ABCG1: variants seen among roughly 807,000 people sequenced by gnomAD.
ABCG1 encodes the protein ATP binding cassette subfamily G member 1, also known as ATP-binding cassette sub-family G member 1.
Under a neutral mutation model 69.2 loss-of-function variants are expected in ABCG1, and 29 were observed. The ratio of observed to expected loss-of-function variants is 0.42; its 90% CI spans 0.31 to 0.57. The LOEUF (loss-of-function observed/expected upper bound fraction) is 0.57. Among genes scored for constraint, ABCG1 ranks in the 20% least tolerant of loss-of-function variants. The pLI is 0.15. For synonymous variants in ABCG1, 370 were observed against 374.8 expected, an observed-to-expected ratio of 0.99 and a Z score of 0.15; for missense variants, 718 against 898.1, an observed-to-expected ratio of 0.80 and a Z score of 2.56.
chr21:42,292,165 G>T (rs1175661972), intron 13 of ABCG1, among the ~76,000 whole-genome samples: 1 of 152,138 alleles, frequency 6.6e-6, no homozygotes, highest in Non-Finnish European at 1.5e-5. Flanking sequence ...TACCTCTGTG[G>T]CTTTAGGACG....
chr21:42,223,364 A>G (rs1369217026), intron 1 of ABCG1, among the ~76,000 whole-genome samples: 2 of 152,148 alleles, frequency 1.3e-5, no homozygotes, highest in Admixed American at 6.5e-5. Flanking sequence ...GTTGCGTTAG[A>G]TATCCCTTCT....
Position 42,273,512 on chromosome 21 carries a change from G to T in ABCG1, c.537+77G>T. On this transcript the variant is annotated intron_variant, in intron 4 of 14. Coordinates refer to ENST00000398449, the MANE Select transcript of ABCG1 (RefSeq NM_016818.3). The surrounding 1 kb of genome is among the most constrained non-coding windows in gnomAD (Gnocchi z 5.3). ...GCCCACATTAGACACAGCACTGGCC[G>T]AGTGCCCAGCTGCGAGGGACCCAAG... is the stretch of plus-strand genomic sequence containing the variant. The T allele has an allele frequency of 1.3e-6, 2 of 1,513,516 alleles. No individual in the cohort carries two copies. The highest frequency in any genetic ancestry group is 1.8e-6 in the Non-Finnish European group (2 of 1,121,096). 93.8% of individuals were successfully genotyped at this position (1,513,516 alleles called of 1,614,324 possible). A position where few individuals can be genotyped will look rare whatever the true frequency, so the allele number is the denominator to read the frequency against.
intron 2 of ABCG1, among the ~76,000 whole-genome samples, chr21:42,229,509 G>A (rs2067869623): frequency 6.6e-6 from 1 of 152,076 alleles, no homozygotes; most frequent in African/African-American, 2.4e-5. Context: ...CACGAGGTCA[G>A]GAGTTCGAGA....
chr21:42,287,433 C>T lies in ABCG1; in HGVS notation c.974-456C>T, dbSNP rs931541877. On this transcript the variant is annotated intron_variant, in intron 8 of 14. Coordinates refer to ENST00000398449, the MANE Select transcript of ABCG1 (RefSeq NM_016818.3). The surrounding 1 kb of genome is among the most constrained non-coding windows in gnomAD (Gnocchi z 6.2). The stretch of plus-strand genomic sequence containing the variant: ...CCCAGGGTGCCAGCCACTCATGTGG[C>T]GATGGGCACGTCCTTCTCTGCCATC... Among the ~76,000 whole-genome samples, 7 of 152,146 alleles carry T rather than the reference C, an allele frequency of 4.6e-5. No individual in the cohort carries two copies. Among genetic ancestry groups the T allele is most frequent in the African/African-American group, 1.2e-4 (5 of 41,426 alleles).
upstream of ABCG1, among the ~76,000 whole-genome samples, chr21:42,211,700 C>T (rs138414467): frequency 3.2e-3 from 481 of 150,564 alleles, 12 homozygotes; most frequent in East Asian, 0.051. Flanking sequence ...GCCAACATGG[C>T]GAAATCCTGT....
chr21:42,225,679 C>A lies in ABCG1; in HGVS notation c.51C>A (p.Ser17Arg), dbSNP rs760569439. 6.2e-7 allele frequency: 1 copy of A among 1,612,424 alleles called. No individual in the cohort carries two copies. Among genetic ancestry groups the A allele is most frequent in the Non-Finnish European group, 8.5e-7 (1 of 1,179,776 alleles). Residue 17 changes from serine to arginine, a missense_variant, in exon 2 of 15, where the codon AGC (serine) becomes AGA (arginine). By Grantham distance (110) the Ser-to-Arg change is moderately radical. Coordinates refer to ENST00000398449, the MANE Select transcript of ABCG1 (RefSeq NM_016818.3). Reference sequence around the variant, plus strand: ...TCCTCTGGTTTTTCTAGAATGCCAGCAGTTACTCTGCAGAGATGACGGAGC... The same window carrying A: ...TCCTCTGGTTTTTCTAGAATGCCAGAAGTTACTCTGCAGAGATGACGGAGC... Reference protein sequence around the residue: ...AFSVGTAMNASSYSAEMTEPK... With the variant: ...AFSVGTAMNARSYSAEMTEPK...
At position 42,225,494 on chromosome 21, in the gene ABCG1, C is replaced by T. The variant is rs111876579; in HGVS notation, c.43-177C>T. Among the ~76,000 whole-genome samples the T allele has an allele frequency of 2.0e-3, 312 of 152,224 alleles. 1 individual carries two copies. The Middle Eastern group carries it at 0.024, about 12-fold the overall frequency. ...CATTTTTTAATAGAAGAAAATGTGACGGAGATGACAAATTCCTCTAGGTGG... is the reference window on the plus strand; with the variant it reads ...CATTTTTTAATAGAAGAAAATGTGATGGAGATGACAAATTCCTCTAGGTGG... On this transcript the variant is annotated intron_variant, in intron 1 of 14. Transcript: ENST00000398449.
chr21:42,258,711 C>T (rs2068352461), intron 2 of ABCG1, among the ~76,000 whole-genome samples: 1 of 152,252 alleles, frequency 6.6e-6, no homozygotes, highest in Non-Finnish European at 1.5e-5. Context: ...GGTCAGCCTT[C>T]CTCTGCCTCT....
At chr21:42,240,499 G>A (rs958232333) in intron 2 of ABCG1, among the ~76,000 whole-genome samples, 15 of 152,256 alleles carry the variant, frequency 9.9e-5, no homozygotes, top group African/African-American at 3.4e-4. Flanking sequence ...CACCCAGTCT[G>A]GAGTGCAGTA....
rs56145149 is a variant in ABCG1, at chr21:42,276,889, C to T, written c.538-6C>T. On this transcript the variant is annotated splice_polypyrimidine_tract_variant and splice_region_variant and intron_variant, in intron 4 of 14. Coordinates refer to ENST00000398449, the MANE Select transcript of ABCG1 (RefSeq NM_016818.3). The surrounding 1 kb of genome is among the most constrained non-coding windows in gnomAD (Gnocchi z 5.3). Reference sequence around the variant, plus strand: ...GCTTCCACACTGTTGTCCTTGTCCCCTGCAGGTGTCGGCACATCTGAAGCT... The same window carrying T: ...GCTTCCACACTGTTGTCCTTGTCCCTTGCAGGTGTCGGCACATCTGAAGCT... The T allele has an allele frequency of 0.05, 81,266 of 1,613,966 alleles. 3,295 individuals carry two copies. Among genetic ancestry groups the T allele is most frequent in the South Asian group, 0.17 (15,728 of 91,042 alleles).
intron 1 of ABCG1, among the ~76,000 whole-genome samples, chr21:42,222,777 A>G (rs1159512319): frequency 6.6e-6 from 1 of 152,178 alleles, no homozygotes; most frequent in Non-Finnish European, 1.5e-5. Context: ...AATAAACACT[A>G]TTGTTTATAA....
At chr21:42,211,458 C>A (rs1386786901), upstream of ABCG1, among the ~76,000 whole-genome samples, 3 of 152,100 alleles carry the variant, frequency 2.0e-5, no homozygotes, top group Non-Finnish European at 4.4e-5. Flanking sequence ...TCCCTTCCTC[C>A]TTCCTTCCTC....
At position 42,273,564 on chromosome 21, in the gene ABCG1, C is replaced by A. The variant is rs1377633813; in HGVS notation, c.537+129C>A. 5.7e-6 allele frequency: 6 copies of A among 1,044,040 alleles called. No homozygotes were observed. The Admixed American group carries it at 1.7e-4, about 29-fold the overall frequency. The allele number at this position is 1,044,040 out of a possible 1,614,324, so 64.7% of individuals were successfully genotyped here. On this transcript the variant is annotated intron_variant, in intron 4 of 14. Coordinates refer to ENST00000398449, the MANE Select transcript of ABCG1 (RefSeq NM_016818.3). This position sits in a 1 kb window ranked among gnomAD's most constrained non-coding sequence, Gnocchi z 5.3. ...GCTCTGCCACGCGGCCTGCACAGGGCCAGCAACCTCCCTCTAGCGGAGTTC... is the reference window on the plus strand; with the variant it reads ...GCTCTGCCACGCGGCCTGCACAGGGACAGCAACCTCCCTCTAGCGGAGTTC...
In ABCG1 at chr21:42,282,327, C is replaced by T. The variant is rs773675522; in HGVS notation, c.642C>T (p.Thr214=). 9.3e-6 allele frequency: 15 copies of T among 1,613,434 alleles called. No homozygotes were observed. The highest frequency in any genetic ancestry group is 5.5e-5 in the South Asian group (5 of 91,062). The change falls in exon 6 of 15, where the codon ACC becomes ACT. Residue 214 remains threonine (T), a synonymous_variant. Coordinates refer to ENST00000398449, the MANE Select transcript of ABCG1 (RefSeq NM_016818.3). ...TGCTGTCTTGCGCCAACACGCGGAC[C>T]GGGAGCCTGTCAGGTGGTCAGCGCA... The part of the protein sequence containing the change: ...LGLLSCANTR[T]GSLSGGQRKR...
upstream of ABCG1, among the ~76,000 whole-genome samples, chr21:42,212,870 T>G (rs1357252238): frequency 2.0e-5 from 3 of 152,094 alleles, no homozygotes; most frequent in Non-Finnish European, 4.4e-5. Flanking sequence ...ATTTTTTGTA[T>G]TTTTAGTAGA....
chr21:42,296,963 AC>A lies in ABCG1; in HGVS notation c.*572del, dbSNP rs1463217543. The A allele has an allele frequency of 6.2e-6, 1 of 160,818 alleles. No homozygotes were observed. Among genetic ancestry groups the A allele is most frequent in the Non-Finnish European group, 1.4e-5 (1 of 71,972 alleles). 10.0% of individuals were successfully genotyped at this position (160,818 alleles called of 1,614,324 possible). On this transcript the variant is annotated 3_prime_UTR_variant, in exon 15 of 15. Transcript: ENST00000398449. This position sits in a 1 kb window ranked among gnomAD's most constrained non-coding sequence, Gnocchi z 5.4. ...TTTTAAGAAATTATACCTTTTTAGT[AC>A]TTGCTGAAGAATGATTCAGGGTAAA...
At chr21:42,269,602 CCT>C (rs1399267948) in intron 2 of ABCG1, among the ~76,000 whole-genome samples, 1 of 152,344 alleles carries the variant, frequency 6.6e-6, no homozygotes, top group African/African-American at 2.4e-5. Context: ...CGACAACCGC[CCT>C]GTCTGTAATG....
intron 2 of ABCG1, among the ~76,000 whole-genome samples, chr21:42,242,909 G>A (rs1438934934): frequency 2.0e-5 from 3 of 152,190 alleles, no homozygotes; most frequent in Non-Finnish European, 2.9e-5. Context: ...CAGGTTTGGG[G>A]CAGGCAGGGT....
At chr21:42,243,986 T>A (rs1204212639) in intron 2 of ABCG1, among the ~76,000 whole-genome samples, 1 of 151,882 alleles carries the variant, frequency 6.6e-6, no homozygotes, top group African/African-American at 2.4e-5. Context: ...GCCCGGCTAA[T>A]TTTTTGTATT....
Sources: gnomAD v4.1 joint callset for allele counts (sites outside exome capture counted in the v4.1 genomes callset) on GRCh38, gnomAD v4.1.1 for gene constraint, Gnocchi (gnomAD v3.1) non-coding constraint, MANE v1.5 for transcripts, NCBI Gene and HGNC (gene_info 2026-07-23, HGNC 2026-07-21) for gene names.